Variants in PIP4P2 observed in about 807,000 individuals in gnomAD.
PIP4P2 encodes the protein type 2 phosphatidylinositol 4,5-bisphosphate 4-phosphatase.
A neutral mutation model predicts 33.3 loss-of-function variants in PIP4P2; 19 were observed. The observed-to-expected ratio is 0.57, with a 90% CI of 0.40 to 0.84. PIP4P2 has a LOEUF of 0.84. PIP4P2 is among the 40% of genes least tolerant of loss of function. The probability of loss-of-function intolerance (pLI) is 0.00; values close to 1 mark genes in which losing one functional copy is unlikely to be tolerated. For missense variants in PIP4P2, 270 were observed against 324.7 expected (o/e 0.83, Z 1.29); for synonymous variants, 110 against 111.9 (o/e 0.98, Z 0.11).
At chr8:91,037,422 C>T (rs979970891) in intron 1 of PIP4P2, among the ~76,000 whole-genome samples, 1 of 152,208 alleles carries the variant, frequency 6.6e-6, no homozygotes, top group Admixed American at 6.5e-5. Context: ...ACTTTCAGAT[C>T]TCATTCAAGC....
intron 5 of PIP4P2, among the ~76,000 whole-genome samples, chr8:90,999,108 G>T (rs1811668007): frequency 6.6e-6 from 1 of 151,932 alleles, no homozygotes; most frequent in African/African-American, 2.4e-5. Flanking sequence ...CAAAGGACAT[G>T]AACAGACACT....
At chr8:91,034,157 C>T (rs1338729978) in intron 1 of PIP4P2, among the ~76,000 whole-genome samples, 1 of 152,136 alleles carries the variant, frequency 6.6e-6, no homozygotes, top group African/African-American at 2.4e-5. Context: ...TTTCTTCACC[C>T]TCTGAAATTA....
At chr8:91,033,994 C>G (rs1229779203) in intron 1 of PIP4P2, among the ~76,000 whole-genome samples, 1 of 151,838 alleles carries the variant, frequency 6.6e-6, no homozygotes, top group African/African-American at 2.4e-5. Context: ...TTCCCGTTGC[C>G]TGGAGCACTC....
At chr8:91,032,465 T>C (rs1448194940) in intron 1 of PIP4P2, among the ~76,000 whole-genome samples, 6 of 152,040 alleles carry the variant, frequency 3.9e-5, no homozygotes, top group East Asian at 1.9e-4. Context: ...TCCCAATTTA[T>C]TGAATACCTC....
intron 1 of PIP4P2, among the ~76,000 whole-genome samples, chr8:91,029,948 C>CA (rs1397591878): frequency 1.2e-4 from 18 of 152,058 alleles, no homozygotes; most frequent in African/African-American, 4.3e-4. Flanking sequence ...GCCTGGGCGA[C>CA]AGAGCGAGAC....
Position 91,027,554 on chromosome 8 carries a change from C to T in PIP4P2, c.107-6150G>A, listed in dbSNP as rs1213119013. 2.6e-5 allele frequency among the ~76,000 whole-genome samples: 4 copies of T among 152,196 alleles called. No individual in the cohort carries two copies. The East Asian group carries it at 7.7e-4, about 29-fold the overall frequency. On this transcript the variant is annotated intron_variant, in intron 1 of 6. Transcript: ENST00000285419. ...CAGCTTCTACATAAAATAATTGCAA[C>T]ATTTTGATAATATGTATTTCCAGAA...
At position 90,995,783 on chromosome 8, in the gene PIP4P2, GT is replaced by G. The variant is rs1563559934; in HGVS notation, c.667del (p.Thr223ProfsTer11). On this transcript the variant is annotated frameshift_variant, in exon 7 of 7. Transcript: ENST00000285419. LOFTEE classifies it high-confidence loss of function. ...TPDFARRFRA[T>X]YVSWAIAYLL... Reference sequence around the variant, plus strand: ...ATAAGCAATTGCCCAAGAAACATAGGTTGCTCGAAATCGCCTTGCAAAATCT... The same window carrying G: ...ATAAGCAATTGCCCAAGAAACATAGGTGCTCGAAATCGCCTTGCAAAATCT... 6.2e-7 allele frequency: 1 copy of G among 1,610,350 alleles called. No individual in the cohort carries two copies. Among genetic ancestry groups the G allele is most frequent in the Non-Finnish European group, 8.5e-7 (1 of 1,178,726 alleles).
chr8:90,996,805 T>G, intron 5 of PIP4P2, 61 bp from the exon 6 acceptor site: 1 of 1,331,722 alleles, frequency 7.5e-7, no homozygotes, highest in Non-Finnish European at 1.0e-6. Context: ...CTCTATTTCA[T>G]TTTTGTGAGT....
chr8:91,040,785 CGGGGTT>C lies in PIP4P2; in HGVS notation c.-42_-37del, dbSNP rs1812296316. The C allele has an allele frequency of 1.3e-6, 2 of 1,598,214 alleles. No individual in the cohort carries two copies. Among genetic ancestry groups the C allele is most frequent in the Non-Finnish European group, 8.5e-7 (1 of 1,170,714 alleles). The stretch of plus-strand genomic sequence containing the variant: ...GCGGCGGGGCCTGGGGAGGCCGAGC[CGGGGTT>C]GCGGCCTCGGCGGAGTGGTGGCTAC... On this transcript the variant is annotated 5_prime_UTR_variant, in exon 1 of 7. Coordinates refer to ENST00000285419, the MANE Select transcript of PIP4P2 (RefSeq NM_018710.3).
At chr8:91,033,909 A>G (rs1586187530) in intron 1 of PIP4P2, among the ~76,000 whole-genome samples, 1 of 152,274 alleles carries the variant, frequency 6.6e-6, no homozygotes. Flanking sequence ...GCTCATGAGT[A>G]GCTGGGACTA....
intron 1 of PIP4P2, chr8:91,024,383 A>G (rs1812053376): frequency 4.9e-6 from 2 of 404,188 alleles, no homozygotes; most frequent in Non-Finnish European, 9.9e-6. Context: ...TAATTAGAAT[A>G]AGATTATTAA....
At chr8:91,037,972 A>T (rs895560295) in intron 1 of PIP4P2, among the ~76,000 whole-genome samples, 1 of 152,160 alleles carries the variant, frequency 6.6e-6, no homozygotes, top group African/African-American at 2.4e-5. Context: ...TTCTATACCT[A>T]AACAAAAACT....
chr8:91,018,669 C>T, intron 3 of PIP4P2, 156 bp from the exon 4 acceptor site: 1 of 1,172,036 alleles, frequency 8.5e-7, no homozygotes, highest in Non-Finnish European at 1.2e-6. Flanking sequence ...AGAGTAGCAA[C>T]AGTCAGTTTT....
chr8:91,002,906 T>A lies in PIP4P2; in HGVS notation c.539+5837A>T, dbSNP rs558481462. ...AGTGCAATTTGTTGGGGCTAGGAAA[T>A]AACTAGGTTGTGTGTGTAGAGACAG... On this transcript the variant is annotated intron_variant, in intron 5 of 6. Coordinates refer to ENST00000285419, the MANE Select transcript of PIP4P2 (RefSeq NM_018710.3). 2.0e-5 allele frequency among the ~76,000 whole-genome samples: 3 copies of A among 152,234 alleles called. No homozygotes were observed. The South Asian group carries it at 6.2e-4, about 32-fold the overall frequency.
At chr8:91,017,449 CACAT>C (rs1469087357) in intron 4 of PIP4P2, among the ~76,000 whole-genome samples, 3 of 151,756 alleles carry the variant, frequency 2.0e-5, no homozygotes, top group Non-Finnish European at 4.4e-5. Flanking sequence ...AAAAAATAAA[CACAT>C]AGAAGTGACT....
At chr8:90,998,463 T>A (rs796679325) in intron 5 of PIP4P2, among the ~76,000 whole-genome samples, 29 of 152,198 alleles carry the variant, frequency 1.9e-4, no homozygotes, top group African/African-American at 6.5e-4. Context: ...GATAAGGCAA[T>A]GACCAACAAG....
At chr8:91,039,496 A>T (rs1199415129) in intron 1 of PIP4P2, among the ~76,000 whole-genome samples, 1 of 152,242 alleles carries the variant, frequency 6.6e-6, no homozygotes, top group Non-Finnish European at 1.5e-5. Flanking sequence ...AATACTAAGC[A>T]AGTTCAACCT....
At chr8:91,009,124 T>C (rs1811799011) in intron 4 of PIP4P2, among the ~76,000 whole-genome samples, 1 of 152,164 alleles carries the variant, frequency 6.6e-6, no homozygotes, top group African/African-American at 2.4e-5. Flanking sequence ...ATATTTCATA[T>C]ACCATCAAAG....
rs1359064311 is a variant in PIP4P2, at chr8:90,993,970, T to C, written c.*1707A>G. ...ATTCCAGAAGGAATATGACATAGCA[T>C]ATAATTTAATGTGAGCTTTCCAATC... On this transcript the variant is annotated 3_prime_UTR_variant, in exon 7 of 7. Transcript: ENST00000285419. 1 of 152,200 alleles carries C rather than the reference T, an allele frequency of 6.6e-6. No homozygotes were observed. Among genetic ancestry groups the C allele is most frequent in the Admixed American group, 6.5e-5 (1 of 15,284 alleles). The allele number at this position is 152,200 out of a possible 1,614,324, so 9.4% of individuals were successfully genotyped here.
Sources: gnomAD v4.1 joint callset for allele counts (sites outside exome capture counted in the v4.1 genomes callset) on GRCh38, gnomAD v4.1.1 for gene constraint, MANE v1.5 for transcripts, NCBI Gene and HGNC (gene_info 2026-07-23, HGNC 2026-07-21) for gene names.